The following PHC1 variants were observed in gnomAD, a reference collection of about 807,000 sequenced individuals.
PHC1 encodes the protein polyhomeotic homolog 1.
A neutral mutation model predicts 104.3 loss-of-function variants in PHC1; 12 were observed. The observed-to-expected ratio is 0.12, with a 90% confidence interval of 0.07 to 0.19. The LOEUF is 0.19. PHC1 is among the 10% of genes least tolerant of loss of function. The pLI is 1.00. For synonymous variants in PHC1, 302 were observed against 455.8 expected, an observed-to-expected ratio of 0.66 and a Z score of 4.30; for missense variants, 671 against 1,200.0, an observed-to-expected ratio of 0.56 and a Z score of 6.51.
At chr12:8,936,360 T>G (rs180875677) in intron 11 of PHC1, among the ~76,000 whole-genome samples, 96 of 152,290 alleles carry the variant, frequency 6.3e-4, no homozygotes, top group Non-Finnish European at 1.2e-3. Context: ...CCAGCCCGGG[T>G]GACAGAGTGA....
chr12:8,937,092 T>A, intron 12 of PHC1, 84 bp from the exon 13 acceptor site: 2 of 1,497,106 alleles, frequency 1.3e-6, no homozygotes, highest in South Asian at 2.4e-5. Flanking sequence ...CTTCCCCAAA[T>A]CAGCTCATAA....
intron 5 of PHC1, 147 bp from the exon 6 acceptor site, chr12:8,922,486 A>C (rs1052756303): frequency 7.8e-6 from 5 of 643,196 alleles, no homozygotes; most frequent in African/African-American, 7.3e-5. Flanking sequence ...TGTGGAGAAT[A>C]TGAGGCTCCT....
intron 7 of PHC1, among the ~76,000 whole-genome samples, chr12:8,932,262 G>T (rs1432423331): frequency 1.3e-5 from 2 of 152,174 alleles, no homozygotes; most frequent in East Asian, 1.9e-4. Flanking sequence ...CAGAGTAAAA[G>T]AATACAATAT....
rs1945371416 is a variant in PHC1 at position 8,921,753 on chromosome 12, A to G, written c.456+3A>G. The G allele has an allele frequency of 6.3e-7, 1 of 1,595,422 alleles. No individual in the cohort carries two copies. The highest frequency in any genetic ancestry group is 1.8e-5 in the Admixed American group (1 of 56,110). On this transcript the variant is annotated splice_donor_region_variant and intron_variant, in intron 5 of 14. Coordinates refer to ENST00000544916, the MANE Select transcript of PHC1 (RefSeq NM_004426.3). Reference sequence around the variant, plus strand: ...CTCAGGCCCAGATGTATCTACGGGTAAGCCACAGATGCAGTCACCATTGCC... The same window carrying G: ...CTCAGGCCCAGATGTATCTACGGGTGAGCCACAGATGCAGTCACCATTGCC...
Position 8,919,831 on chromosome 12 carries a change from A to G in PHC1, c.190A>G (p.Asn64Asp). 1 of 1,609,152 alleles carries G rather than the reference A, an allele frequency of 6.2e-7. No homozygotes were observed. Among genetic ancestry groups the G allele is most frequent in the Non-Finnish European group, 8.5e-7 (1 of 1,177,658 alleles). ...GTTCATGCTCCAGCAGCAGCTCAGT[A>G]ATGCCCAGCTGCATAGCCTGGCTGC... ...HQFMLQQQLS[N>D]AQLHSLAAVQ... Residue 64 changes from asparagine to aspartate, a missense_variant, in exon 3 of 15, where the codon AAT becomes GAT. Transcript: ENST00000544916. The surrounding 1 kb of genome is among the most constrained non-coding windows in gnomAD (Gnocchi z 4.9).
chr12:8,932,485 G>T (rs754719679), intron 7 of PHC1, 78 bp from the exon 8 acceptor site: 30 of 1,491,792 alleles, frequency 2.0e-5, no homozygotes, highest in Admixed American at 7.5e-5. Flanking sequence ...TTGGAAAAAT[G>T]AATTTACTTT....
chr12:8,931,938 T>C (rs1805775), intron 7 of PHC1, among the ~76,000 whole-genome samples: 11,822 of 152,244 alleles, frequency 0.078, 680 homozygotes, highest in Non-Finnish European at 0.12. Context: ...TCTGGTACAA[T>C]ATGGAGAAGT....
At chr12:8,914,459 G>GGC (rs1555124304), upstream of PHC1, 15 of 145,116 alleles carry the variant, frequency 1.0e-4, no homozygotes, top group Admixed American at 1.4e-4. Flanking sequence ...AGGGACGGCG[G>GGC]GGGGGGGGTC....
chr12:8,934,765 A>C (rs919145376), intron 10 of PHC1, among the ~76,000 whole-genome samples: 13 of 152,164 alleles, frequency 8.5e-5, no homozygotes, highest in African/African-American at 3.1e-4. Flanking sequence ...AATGAAGTTA[A>C]GGAGCTTTCC....
intron 11 of PHC1, among the ~76,000 whole-genome samples, chr12:8,935,675 T>C (rs1945816355): frequency 6.6e-6 from 1 of 152,062 alleles, no homozygotes; most frequent in Non-Finnish European, 1.5e-5. Flanking sequence ...AGAAACCATA[T>C]TATATATCAG....
intron 13 of PHC1, among the ~76,000 whole-genome samples, 188 bp from the exon 14 acceptor site, chr12:8,937,641 G>A (rs1002958568): frequency 2.0e-5 from 3 of 152,178 alleles, no homozygotes; most frequent in East Asian, 3.8e-4. Flanking sequence ...GAGAATCAAG[G>A]AAGTGATACA....
In PHC1 at chr12:8,936,973, G is replaced by T; in HGVS notation, c.2477+9G>T. ...ATGACTTGCGCTAAGAGGTACTCTG[G>T]GCACCCTCCTCCTTGCCCTCAGCAC... On this transcript the variant is annotated intron_variant, in intron 12 of 14. Transcript: ENST00000544916. 1 of 1,585,780 alleles carries T rather than the reference G, an allele frequency of 6.3e-7. No homozygotes were observed. Among genetic ancestry groups the T allele is most frequent in the Non-Finnish European group, 8.7e-7 (1 of 1,154,712 alleles).
intron 5 of PHC1, among the ~76,000 whole-genome samples, 157 bp from the exon 6 acceptor site, chr12:8,922,476 T>C (rs760673477): frequency 6.6e-6 from 1 of 152,244 alleles, no homozygotes; most frequent in African/African-American, 2.4e-5. Flanking sequence ...GTTCATTACA[T>C]GTGGAGAATA....
chr12:8,920,739 A>AGAGT (rs1481086298), intron 3 of PHC1, among the ~76,000 whole-genome samples: 1 of 152,156 alleles, frequency 6.6e-6, no homozygotes, highest in African/African-American at 2.4e-5. Context: ...CACCTAAAAG[A>AGAGT]GAGTGGGAGC....
intron 6 of PHC1, among the ~76,000 whole-genome samples, chr12:8,925,514 G>A (rs1945490767): frequency 6.6e-6 from 1 of 152,158 alleles, no homozygotes; most frequent in South Asian, 2.1e-4. Flanking sequence ...AAGTCAAGGA[G>A]GTGACATTTA....
intron 1 of PHC1, among the ~76,000 whole-genome samples, chr12:8,917,387 A>G (rs917230403): frequency 1.3e-5 from 2 of 152,224 alleles, no homozygotes; most frequent in Non-Finnish European, 2.9e-5. Context: ...AATGACAGCC[A>G]TGAGGGAATA....
At position 8,936,433 on chromosome 12, in the gene PHC1, A is replaced by G. The variant is rs186107003; in HGVS notation, c.2369-423A>G. The stretch of plus-strand genomic sequence containing the variant: ...CTAAAATAGGACATTTATATCTTTA[A>G]TTTCCAGTTCTCCTTATTCTAGATT... On this transcript the variant is annotated intron_variant, in intron 11 of 14. Transcript: ENST00000544916. Among the ~76,000 whole-genome samples the G allele has an allele frequency of 5.9e-5, 9 of 152,248 alleles. No individual in the cohort carries two copies. In the East Asian group the frequency reaches 1.7e-3, roughly 29 times the overall value.
intron 7 of PHC1, 62 bp downstream of exon 7, chr12:8,930,989 C>CT (rs1480997305): frequency 1.1e-5 from 16 of 1,500,954 alleles, no homozygotes; most frequent in Middle Eastern, 3.6e-4. Flanking sequence ...TCCTTTTTTT[C>CT]TTTTTTTGCC....
At chr12:8,928,049 G>A (rs1199732108) in intron 6 of PHC1, among the ~76,000 whole-genome samples, 2 of 151,662 alleles carry the variant, frequency 1.3e-5, no homozygotes, top group Non-Finnish European at 2.9e-5. Flanking sequence ...TTGATTACAG[G>A]CGCGTGCCAC....
Sources: gnomAD v4.1 joint callset for allele counts (sites outside exome capture counted in the v4.1 genomes callset) on GRCh38, gnomAD v4.1.1 for gene constraint, Gnocchi (gnomAD v3.1) non-coding constraint, MANE v1.5 for transcripts, NCBI Gene and HGNC (gene_info 2026-07-23, HGNC 2026-07-21) for gene names.